Variants in BMP6 observed in about 807,000 individuals in gnomAD.
BMP6 encodes the protein bone morphogenetic protein 6.
In BMP6, 17 loss-of-function variants were observed where a neutral mutation model predicts 54.1. The ratio of observed to expected loss-of-function variants is 0.31; its 90% CI spans 0.22 to 0.47. The LOEUF (loss-of-function observed/expected upper bound fraction) is 0.47, where lower values mean the gene tolerates loss of function less well. BMP6 is among the 20% of genes least tolerant of loss of function. The pLI is 1.00. For missense variants in BMP6, 720 were observed against 690.4 expected (o/e 1.04, Z -0.48); for synonymous variants, 328 against 291.2 (o/e 1.13, Z -1.28).
chr6:7,733,618 T>A (rs1761908397), intron 1 of BMP6, among the ~76,000 whole-genome samples: 1 of 152,204 alleles, frequency 6.6e-6, no homozygotes, highest in Non-Finnish European at 1.5e-5. Flanking sequence ...GCATCTTCTC[T>A]TGTGTTCCCC....
chr6:7,849,765 C>G (rs1310070235), intron 2 of BMP6, among the ~76,000 whole-genome samples: 2 of 152,194 alleles, frequency 1.3e-5, no homozygotes, highest in East Asian at 3.8e-4. Flanking sequence ...CTGTTTGGTC[C>G]ATGAAGATCG....
intron 1 of BMP6, among the ~76,000 whole-genome samples, chr6:7,833,049 A>G (rs1189481924): frequency 1.3e-5 from 2 of 151,890 alleles, no homozygotes; most frequent in Admixed American, 1.3e-4. Flanking sequence ...GAGAGAGTGG[A>G]TGGACATGGG....
intron 1 of BMP6, among the ~76,000 whole-genome samples, chr6:7,805,499 G>A (rs948892558): frequency 1.3e-5 from 2 of 152,294 alleles, no homozygotes; most frequent in Middle Eastern, 3.4e-3. Context: ...ATTTAAAGAA[G>A]CAAGCCTGTC....
chr6:7,731,884 T>C (rs374969859), intron 1 of BMP6, among the ~76,000 whole-genome samples: 2 of 152,240 alleles, frequency 1.3e-5, no homozygotes, highest in South Asian at 4.1e-4. Flanking sequence ...TTCACTTGTT[T>C]ATTTGAATTC....
intron 1 of BMP6, among the ~76,000 whole-genome samples, chr6:7,831,958 A>G (rs1173030911): frequency 1.3e-5 from 2 of 152,228 alleles, no homozygotes; most frequent in Non-Finnish European, 2.9e-5. Context: ...GGCACCATGT[A>G]CTAAGCCTTC....
At chr6:7,777,809 C>T (rs1198426068) in intron 1 of BMP6, among the ~76,000 whole-genome samples, 4 of 152,056 alleles carry the variant, frequency 2.6e-5, no homozygotes, top group Admixed American at 2.0e-4. Flanking sequence ...TTGGGAGTGA[C>T]CTTTCTCGGA....
chr6:7,785,870 A>G (rs1193537248), intron 1 of BMP6, among the ~76,000 whole-genome samples: 1 of 152,240 alleles, frequency 6.6e-6, no homozygotes, highest in Non-Finnish European at 1.5e-5. Flanking sequence ...CAGCCACGCT[A>G]CAAGTTTCTG....
rs1211622690 is a variant in BMP6 at position 7,727,130 on chromosome 6, T to C, written c.175T>C (p.Ser59Pro). The part of the protein sequence containing the change: ...SPGRTEQPPP[S>P]PQSSSGFLYR... ...CGGCCGCACGGAGCAGCCGCCGCCG[T>C]CGCCGCAGTCCTCCTCGGGCTTCCT... Residue 59 changes from serine to proline, a missense_variant, in exon 1 of 7, where the codon TCG becomes CCG. This residue lies in a region of BMP6 where 650 missense variants were observed against 556.3 expected (regional missense o/e 1.17). Coordinates refer to ENST00000283147, the MANE Select transcript of BMP6 (RefSeq NM_001718.6). The C allele has an allele frequency of 2.6e-6, 4 of 1,531,536 alleles. No homozygotes were observed. The African/African-American group carries it at 4.3e-5, about 16-fold the overall frequency. 94.9% of individuals were successfully genotyped at this position (1,531,536 alleles called of 1,614,324 possible).
At chr6:7,808,074 C>T (rs796282859) in intron 1 of BMP6, among the ~76,000 whole-genome samples, 4 of 152,032 alleles carry the variant, frequency 2.6e-5, no homozygotes, top group African/African-American at 9.6e-5. Context: ...GCACCCGCCA[C>T]CACACCCGGC....
At chr6:7,852,018 T>A (rs182550470) in intron 2 of BMP6, among the ~76,000 whole-genome samples, 4 of 152,358 alleles carry the variant, frequency 2.6e-5, no homozygotes, top group East Asian at 1.9e-4. Flanking sequence ...ACTACCTGTT[T>A]GTTCCCTTGA....
intron 4 of BMP6, among the ~76,000 whole-genome samples, chr6:7,871,963 C>T (rs1759532803): frequency 6.6e-6 from 1 of 151,810 alleles, no homozygotes; most frequent in South Asian, 2.1e-4. Flanking sequence ...TCGGCACAGG[C>T]CACCTACAAG....
chr6:7,839,567 G>A (rs1236211478), intron 1 of BMP6, among the ~76,000 whole-genome samples: 1 of 152,180 alleles, frequency 6.6e-6, no homozygotes, highest in Non-Finnish European at 1.5e-5. Context: ...TACAGTATTT[G>A]TCCTTTTGTG....
At chr6:7,769,691 G>C (rs1053891223) in intron 1 of BMP6, among the ~76,000 whole-genome samples, 1 of 151,732 alleles carries the variant, frequency 6.6e-6, no homozygotes, top group Admixed American at 6.6e-5. Flanking sequence ...AACAATTCTT[G>C]TTACAATGTG....
intron 2 of BMP6, among the ~76,000 whole-genome samples, chr6:7,847,015 T>C (rs1462429744): frequency 6.6e-6 from 1 of 152,064 alleles, no homozygotes; most frequent in Non-Finnish European, 1.5e-5. Flanking sequence ...TTTAAAAAAA[T>C]TGTTATTTGT....
intron 4 of BMP6, among the ~76,000 whole-genome samples, chr6:7,868,595 G>A (rs1759467775): frequency 6.6e-6 from 1 of 152,260 alleles, no homozygotes; most frequent in African/African-American, 2.4e-5. Flanking sequence ...GTCATTCTAG[G>A]AGAGAAGGGA....
intron 1 of BMP6, among the ~76,000 whole-genome samples, chr6:7,775,746 C>G (rs1308417109): frequency 1.3e-5 from 2 of 152,152 alleles, no homozygotes; most frequent in Non-Finnish European, 2.9e-5. Context: ...CGTCTGGGGT[C>G]AGGTTAGTTC....
At chr6:7,852,252 T>G (rs1759155028) in intron 2 of BMP6, among the ~76,000 whole-genome samples, 1 of 152,210 alleles carries the variant, frequency 6.6e-6, no homozygotes, top group South Asian at 2.1e-4. Context: ...GGTTTTCCCT[T>G]TCTCCTAGAG....
chr6:7,799,369 C>T (rs1443826384), intron 1 of BMP6, among the ~76,000 whole-genome samples: 3 of 152,112 alleles, frequency 2.0e-5, no homozygotes, highest in Admixed American at 6.5e-5. Context: ...AAGTAGAATT[C>T]AGAAAACTGC....
Position 7,765,238 on chromosome 6 carries a change from A to G in BMP6, c.664+37619A>G, listed in dbSNP as rs1757669190. Among the ~76,000 whole-genome samples the G allele has an allele frequency of 2.0e-5, 3 of 152,168 alleles. No homozygotes were observed. The South Asian group carries it at 6.2e-4, about 32-fold the overall frequency. On this transcript the variant is annotated intron_variant, in intron 1 of 6. Coordinates refer to ENST00000283147, the MANE Select transcript of BMP6 (RefSeq NM_001718.6). The stretch of plus-strand genomic sequence containing the variant: ...GATGCTGATGAGCCCAGGATTGTGG[A>G]TTTATTCCCCCAAAAGTTTAAATTA...
Sources: gnomAD v4.1 joint callset for allele counts (sites outside exome capture counted in the v4.1 genomes callset) on GRCh38, gnomAD v4.1.1 for gene constraint, gnomAD v4.1.1 regional missense constraint, MANE v1.5 for transcripts, NCBI Gene and HGNC (gene_info 2026-07-23, HGNC 2026-07-21) for gene names.